Variants in TAX1BP1 observed in about 807,000 individuals in gnomAD.
TAX1BP1 encodes Tax1 binding protein 1.
In TAX1BP1, 62 loss-of-function variants were observed where a neutral mutation model predicts 97.7. The observed-to-expected ratio is 0.63, with a 90% CI of 0.52 to 0.78. The LOEUF (loss-of-function observed/expected upper bound fraction) is 0.78, where lower values mean the gene tolerates loss of function less well. Among genes scored for constraint, TAX1BP1 ranks in the 30% least tolerant of loss-of-function variants. The pLI is 0.00. For missense variants in TAX1BP1, 867 were observed against 916.1 expected (o/e 0.95, Z 0.69); for synonymous variants, 340 against 304.2 (o/e 1.12, Z -1.23).
At chr7:27,806,209 C>G (rs1321628436) in intron 13 of TAX1BP1, among the ~76,000 whole-genome samples, 2 of 151,960 alleles carry the variant, frequency 1.3e-5, no homozygotes, top group Non-Finnish European at 2.9e-5. Context: ...CTTCAGCCTC[C>G]TGAGTAGCTG....
chr7:27,739,594 C>T (rs1348530281), upstream of TAX1BP1: 1 of 152,126 alleles, frequency 6.6e-6, no homozygotes, highest in Non-Finnish European at 1.5e-5. Flanking sequence ...TCTGCTGGAG[C>T]GAGAGCAAAT....
intron 5 of TAX1BP1, among the ~76,000 whole-genome samples, chr7:27,775,746 G>C (rs1000648435): frequency 6.6e-6 from 1 of 152,114 alleles, no homozygotes. Context: ...TCTTGGGTTA[G>C]GTCTGTCAGG....
At chr7:27,790,504 A>G (rs1789664297) in intron 8 of TAX1BP1, among the ~76,000 whole-genome samples, 1 of 151,990 alleles carries the variant, frequency 6.6e-6, no homozygotes, top group South Asian at 2.1e-4. Context: ...CCAAGAGTAT[A>G]TGAGATATGT....
chr7:27,763,635 G>T (rs1296276840), intron 3 of TAX1BP1, among the ~76,000 whole-genome samples: 1 of 152,146 alleles, frequency 6.6e-6, no homozygotes, highest in Non-Finnish European at 1.5e-5. Context: ...GGGCGTGATG[G>T]CGTGTGCCTG....
intron 1 of TAX1BP1, among the ~76,000 whole-genome samples, chr7:27,745,245 AG>A (rs766059711): frequency 4.0e-4 from 61 of 152,284 alleles, no homozygotes; most frequent in Non-Finnish European, 6.5e-4. Context: ...ATGTTAGTGA[AG>A]CTACACTTCC....
At chr7:27,826,121 C>G (rs747291727) in intron 15 of TAX1BP1, among the ~76,000 whole-genome samples, 1 of 152,282 alleles carries the variant, frequency 6.6e-6, no homozygotes, top group Middle Eastern at 3.4e-3. Flanking sequence ...ATACTAAGCT[C>G]AGCAGATTCA....
chr7:27,797,197 C>T (rs1189262568), intron 12 of TAX1BP1, among the ~76,000 whole-genome samples: 2 of 151,798 alleles, frequency 1.3e-5, no homozygotes, highest in Admixed American at 6.6e-5. Flanking sequence ...CGGGGTTTCA[C>T]GATGTTAGCT....
At chr7:27,782,229 CTTGTT>C (rs1789287916) in intron 5 of TAX1BP1, among the ~76,000 whole-genome samples, 2 of 151,672 alleles carry the variant, frequency 1.3e-5, no homozygotes, top group South Asian at 2.1e-4. Context: ...GTTTTCTTTT[CTTGTT>C]TTATTTTATT....
At chr7:27,785,991 CAT>C (rs766971586) in intron 7 of TAX1BP1, among the ~76,000 whole-genome samples, 5 of 151,366 alleles carry the variant, frequency 3.3e-5, no homozygotes, top group Admixed American at 1.3e-4. Context: ...TTTTTAAGAA[CAT>C]ATATATATAT....
chr7:27,808,080 T>C (rs780832688), intron 13 of TAX1BP1, among the ~76,000 whole-genome samples: 9 of 152,186 alleles, frequency 5.9e-5, no homozygotes, highest in Admixed American at 2.0e-4. Flanking sequence ...GGAATCAGTC[T>C]TTTCTCCAAG....
chr7:27,828,864 T>TTA lies in TAX1BP1; in HGVS notation c.*35_*36insTA, dbSNP rs1554326096. The stretch of plus-strand genomic sequence containing the variant: ...ATTATGAGTTAATATAGTTTAGCAG[T>TTA]AAAAAAAAAAAAAAAAACCACACCT... On this transcript the variant is annotated 3_prime_UTR_variant, in exon 17 of 17. Coordinates refer to ENST00000396319, the MANE Select transcript of TAX1BP1 (RefSeq NM_006024.7). 9.5e-4 allele frequency: 937 copies of TTA among 988,636 alleles called. 1 individual carries two copies. Among genetic ancestry groups the TTA allele is most frequent in the Non-Finnish European group, 1.1e-3 (755 of 705,100 alleles). The allele number at this position is 988,636 out of a possible 1,614,324, so 61.2% of individuals were successfully genotyped here.
At chr7:27,744,850 T>C (rs1356829203) in intron 1 of TAX1BP1, among the ~76,000 whole-genome samples, 1 of 152,228 alleles carries the variant, frequency 6.6e-6, no homozygotes. Flanking sequence ...TTATAGACAT[T>C]AATGCATTCG....
intron 8 of TAX1BP1, among the ~76,000 whole-genome samples, chr7:27,790,618 T>A (rs1178743084): frequency 6.6e-6 from 1 of 152,076 alleles, no homozygotes; most frequent in Non-Finnish European, 1.5e-5. Context: ...TAATGATTTT[T>A]CATTATTTTA....
chr7:27,742,526 T>G lies in TAX1BP1; in HGVS notation c.-8+2257T>G, dbSNP rs561828311. ...AGATTAACAGAATCTCAAGGCAGAA[T>G]AATTTTTCTTAGTACAGAACAAAAT... On this transcript the variant is annotated intron_variant, in intron 1 of 16. Coordinates refer to ENST00000396319, the MANE Select transcript of TAX1BP1 (RefSeq NM_006024.7). 9.8e-5 allele frequency among the ~76,000 whole-genome samples: 15 copies of G among 152,346 alleles called. No individual in the cohort carries two copies. The South Asian group carries it at 3.1e-3, about 32-fold the overall frequency.
At chr7:27,810,216 T>A (rs568027418) in intron 13 of TAX1BP1, among the ~76,000 whole-genome samples, 1 of 152,130 alleles carries the variant, frequency 6.6e-6, no homozygotes, top group South Asian at 2.1e-4. Flanking sequence ...CCTTTTTTTT[T>A]TTTTGAATCG....
In TAX1BP1 at chr7:27,825,149, G is replaced by T. The variant is rs529750374; in HGVS notation, c.2086-2589G>T. On this transcript the variant is annotated intron_variant, in intron 15 of 16. Coordinates refer to ENST00000396319, the MANE Select transcript of TAX1BP1 (RefSeq NM_006024.7). The stretch of plus-strand genomic sequence containing the variant: ...GTGTCATATTCTTTTAAGATGTATA[G>T]TAAGGCTGTGTGATCTATTACTAAT... Among the ~76,000 whole-genome samples, 196 of 41,190 alleles carry T rather than the reference G, an allele frequency of 4.8e-3. 1 individual carries two copies. The highest frequency in any genetic ancestry group is 0.011 in the Admixed American group (51 of 4,814). 27.0% of individuals were successfully genotyped at this position (41,190 alleles called of 152,430 possible).
chr7:27,766,158 C>G, intron 4 of TAX1BP1, 137 bp downstream of exon 4: 1 of 835,630 alleles, frequency 1.2e-6, no homozygotes, highest in Non-Finnish European at 1.8e-6. Context: ...CAGTGGCTCA[C>G]GCCTGTAATC....
intron 13 of TAX1BP1, among the ~76,000 whole-genome samples, chr7:27,813,604 G>A (rs1790645360): frequency 6.6e-6 from 1 of 152,046 alleles, no homozygotes; most frequent in African/African-American, 2.4e-5. Context: ...CACAAGTGCT[G>A]GGATTACAGG....
At chr7:27,788,175 T>C (rs895254774) in intron 8 of TAX1BP1, among the ~76,000 whole-genome samples, 1 of 152,100 alleles carries the variant, frequency 6.6e-6, no homozygotes, top group Non-Finnish European at 1.5e-5. Flanking sequence ...ATTTGTCTGT[T>C]GTTTCTCATG....
Sources: allele counts gnomAD v4.1 joint callset (sites outside exome capture counted in the v4.1 genomes callset), GRCh38; gene constraint gnomAD v4.1.1; transcripts MANE v1.5; gene names NCBI Gene and HGNC (gene_info 2026-07-23, HGNC 2026-07-21).